The following LRP1B variants were observed in gnomAD, a reference collection of about 807,000 sequenced individuals.
The protein encoded by LRP1B is low-density lipoprotein receptor-related protein 1B.
In LRP1B, 217 loss-of-function variants were observed where a neutral mutation model predicts 556.6. That is an observed-to-expected ratio of 0.39 (90% CI 0.35 to 0.44). The LOEUF is 0.44. Ranked by LOEUF, LRP1B falls within the 20% of genes least tolerant of loss-of-function variation. The pLI, the probability that LRP1B is intolerant of heterozygous loss-of-function variation, is 1.00. For missense variants in LRP1B, 5,053 were observed against 5,620.8 expected (o/e 0.90, Z 3.23); for synonymous variants, 2,047 against 1,865.8 (o/e 1.10, Z -2.50).
chr2:140,368,656 G>A (rs141158943), intron 71 of LRP1B, among the ~76,000 whole-genome samples: 8 of 151,886 alleles, frequency 5.3e-5, no homozygotes, highest in Middle Eastern at 3.4e-3. Context: ...ACTGTGTCAC[G>A]CTTATCCTTC....
In LRP1B at chr2:140,376,411, G is replaced by T. The variant is rs1021095090; in HGVS notation, c.10638+1769C>A. The stretch of plus-strand genomic sequence containing the variant: ...TACATATTACCCAGATTGGTTCAAC[G>T]TATTAAATAAACAAAACCAAAGCCA... On this transcript the variant is annotated intron_variant, in intron 68 of 90. Coordinates refer to ENST00000389484, the MANE Select transcript of LRP1B (RefSeq NM_018557.3). Among the ~76,000 whole-genome samples the T allele has an allele frequency of 2.0e-5, 3 of 152,058 alleles. No homozygotes were observed. In the South Asian group the frequency reaches 6.2e-4, roughly 32 times the overall value.
At chr2:141,026,858 C>A (rs775069767) in intron 11 of LRP1B, among the ~76,000 whole-genome samples, 1 of 152,004 alleles carries the variant, frequency 6.6e-6, no homozygotes, top group Non-Finnish European at 1.5e-5. Context: ...AAAGAAGCTA[C>A]AAAACCATGA....
chr2:142,051,087 A>G (rs1574633730), intron 1 of LRP1B, among the ~76,000 whole-genome samples: 1 of 152,156 alleles, frequency 6.6e-6, no homozygotes, highest in South Asian at 2.1e-4. Context: ...GAATAAGACC[A>G]TGAAAGAGGA....
chr2:141,615,842 A>G (rs2105328781), intron 2 of LRP1B, among the ~76,000 whole-genome samples: 1 of 152,318 alleles, frequency 6.6e-6, no homozygotes, highest in African/African-American at 2.4e-5. Context: ...ATTTGGTAAT[A>G]GCTGGGTTGA....
In LRP1B at chr2:140,743,993, T is replaced by TAAAAAAAAAAAAAAAAAA. The variant is rs1297190080; in HGVS notation, c.5758+25219_5758+25220insTTTTTTTTTTTTTTTTTT. Among the ~76,000 whole-genome samples the TAAAAAAAAAAAAAAAAAA allele has an allele frequency of 2.8e-4, 2 of 7,174 alleles. 1 individual carries two copies. The highest frequency in any genetic ancestry group is 6.3e-4 in the African/African-American group (2 of 3,180). The allele number at this position is 7,174 out of a possible 152,430, so 4.7% of individuals were successfully genotyped here. ...AAAAAAAAAAAAAAAAAAAAAAAAG[T>TAAAAAAAAAAAAAAAAAA]AAAAAGTAAAATCCATAGACATAGA... On this transcript the variant is annotated intron_variant, in intron 35 of 90. Transcript: ENST00000389484.
intron 3 of LRP1B, among the ~76,000 whole-genome samples, chr2:141,464,598 A>ATTTTTTTTTTTTTTTTT (rs199589153): frequency 1.4e-5 from 1 of 73,284 alleles, no homozygotes; most frequent in African/African-American, 5.3e-5. Flanking sequence ...ATATATATAT[A>ATTTTTTTTTTTTTTTTT]TATATATATT....
At chr2:140,439,568 C>T (rs577462044) in intron 66 of LRP1B, among the ~76,000 whole-genome samples, 1 of 152,002 alleles carries the variant, frequency 6.6e-6, no homozygotes, top group South Asian at 2.1e-4. Flanking sequence ...TCTAAATGTG[C>T]CAAATGTATA....
intron 37 of LRP1B, among the ~76,000 whole-genome samples, chr2:140,710,504 T>C (rs1026210991): frequency 2.6e-5 from 4 of 152,016 alleles, no homozygotes; most frequent in Non-Finnish European, 4.4e-5. Context: ...TTATTATATT[T>C]TTATATTTCA....
intron 41 of LRP1B, among the ~76,000 whole-genome samples, chr2:140,606,947 A>T (rs1682890016): frequency 6.6e-6 from 1 of 152,054 alleles, no homozygotes. Flanking sequence ...AGAAAAACAG[A>T]TGTTAGATCT....
intron 7 of LRP1B, among the ~76,000 whole-genome samples, chr2:141,179,999 G>A (rs569349346): frequency 6.7e-6 from 1 of 148,854 alleles, no homozygotes; most frequent in Admixed American, 6.8e-5. Context: ...ACAATGTCAA[G>A]TATTTTTATT....
chr2:140,923,402 T>A (rs1305988825), intron 20 of LRP1B, among the ~76,000 whole-genome samples: 1 of 152,102 alleles, frequency 6.6e-6, no homozygotes, highest in South Asian at 2.1e-4. Flanking sequence ...GAAAGTACTA[T>A]GTACATTAGA....
At chr2:140,705,383 G>A (rs1476070110) in intron 37 of LRP1B, among the ~76,000 whole-genome samples, 1 of 151,492 alleles carries the variant, frequency 6.6e-6, no homozygotes, top group African/African-American at 2.4e-5. Flanking sequence ...AATTAGCCTA[G>A]CATGGTGGCA....
intron 2 of LRP1B, among the ~76,000 whole-genome samples, chr2:141,671,722 T>C (rs1690674347): frequency 6.6e-6 from 1 of 152,138 alleles, no homozygotes; most frequent in African/African-American, 2.4e-5. Flanking sequence ...TTTGTGAACC[T>C]ATCATCTAGT....
At chr2:141,049,596 G>A (rs1698977772) in intron 10 of LRP1B, among the ~76,000 whole-genome samples, 1 of 151,866 alleles carries the variant, frequency 6.6e-6, no homozygotes, top group African/African-American at 2.4e-5. Flanking sequence ...GATACTAACT[G>A]TACCATTCAT....
chr2:141,541,361 C>T (rs1449173342), intron 2 of LRP1B, among the ~76,000 whole-genome samples: 3 of 151,974 alleles, frequency 2.0e-5, no homozygotes, highest in Admixed American at 6.6e-5. Flanking sequence ...ATTATTCTGC[C>T]TGTAGCTGTC....
intron 2 of LRP1B, among the ~76,000 whole-genome samples, chr2:141,622,509 A>G (rs761051426): frequency 5.9e-5 from 9 of 152,200 alleles, no homozygotes; most frequent in Admixed American, 1.3e-4. Context: ...CTTTCAATAT[A>G]TCTACTTAGA....
intron 53 of LRP1B, among the ~76,000 whole-genome samples, chr2:140,503,426 GA>G (rs1212425307): frequency 6.6e-6 from 1 of 152,082 alleles, no homozygotes; most frequent in African/African-American, 2.4e-5. Flanking sequence ...AAATGAAAGT[GA>G]AAGCTATTAG....
intron 20 of LRP1B, among the ~76,000 whole-genome samples, chr2:140,925,007 A>G (rs959786987): frequency 6.6e-6 from 1 of 152,128 alleles, no homozygotes; most frequent in Non-Finnish European, 1.5e-5. Context: ...ATGCAACAAT[A>G]AAAAGAAAAA....
At chr2:140,514,897 T>G in intron 50 of LRP1B, 125 bp from the exon 51 acceptor site, 1 of 900,532 alleles carries the variant, frequency 1.1e-6, no homozygotes, top group Non-Finnish European at 1.6e-6. Context: ...GAAGCCAACT[T>G]CTTCTTTTCT....
Sources: allele counts gnomAD v4.1 joint callset (sites outside exome capture counted in the v4.1 genomes callset), GRCh38; gene constraint gnomAD v4.1.1; transcripts MANE v1.5; gene names NCBI Gene and HGNC (gene_info 2026-07-23, HGNC 2026-07-21).